Variants in KLRG1 observed in about 807,000 individuals in gnomAD.
KLRG1 encodes the protein killer cell lectin like receptor G1, also known as killer cell lectin-like receptor subfamily G member 1.
A neutral mutation model predicts 21.8 loss-of-function variants in KLRG1; 16 were observed. The ratio of observed to expected loss-of-function variants is 0.73; its 90% CI spans 0.50 to 1.11. The LOEUF (loss-of-function observed/expected upper bound fraction) is 1.11, where lower values mean the gene tolerates loss of function less well. Among genes scored for constraint, KLRG1 ranks in the 50% most tolerant of loss-of-function variants. The pLI, the probability that KLRG1 is intolerant of heterozygous loss-of-function variation, is 0.00. For synonymous variants in KLRG1, 69 were observed against 75.9 expected, an observed-to-expected ratio of 0.91 and a Z score of 0.47; for missense variants, 173 against 218.3, an observed-to-expected ratio of 0.79 and a Z score of 1.31.
the KLRG1 span, chr12:9,167,580 T>C: frequency 6.6e-6 from 1 of 152,224 alleles, no homozygotes; most frequent in Non-Finnish European, 1.5e-5. Context: ...TTGTTCTCTG[T>C]AGTCATGGAA....
chr12:9,110,977 G>A, the KLRG1 span, among the ~76,000 whole-genome samples: 4 of 152,116 alleles, frequency 2.6e-5, no homozygotes, highest in Non-Finnish European at 5.9e-5. Context: ...TTTACAGGTT[G>A]AGAAATAAAC....
At chr12:9,080,482 C>G in the KLRG1 span, 5 of 198,264 alleles carry the variant, frequency 2.5e-5, no homozygotes, top group Non-Finnish European at 5.1e-5. Context: ...ATGGCTGACA[C>G]AAGACGGTTA....
the KLRG1 span, among the ~76,000 whole-genome samples, chr12:9,141,464 C>T: frequency 6.6e-6 from 1 of 152,238 alleles, no homozygotes; most frequent in East Asian, 1.9e-4. Context: ...TGTTAAAGAG[C>T]AGGTTAGTGC....
At chr12:9,044,200 G>A in the KLRG1 span, among the ~76,000 whole-genome samples, 1 of 152,094 alleles carries the variant, frequency 6.6e-6, no homozygotes, top group Non-Finnish European at 1.5e-5. Context: ...TGTAAACAAA[G>A]TACAACTTAG....
the KLRG1 span, chr12:9,203,636 TG>T: frequency 9.3e-7 from 1 of 1,074,442 alleles, no homozygotes; most frequent in Non-Finnish European, 1.3e-6. Context: ...CCACCGCACC[TG>T]GCCCCTGAAG....
the KLRG1 span, chr12:9,070,457 A>T: frequency 6.9e-7 from 1 of 1,451,254 alleles, no homozygotes; most frequent in East Asian, 2.3e-5. Flanking sequence ...ATTAAATAAA[A>T]TAGGGCAGTC....
At chr12:9,166,558 G>A in the KLRG1 span, among the ~76,000 whole-genome samples, 1 of 152,204 alleles carries the variant, frequency 6.6e-6, no homozygotes, top group African/African-American at 2.4e-5. Context: ...ATTGTAAAAT[G>A]CTCTTTAGAC....
the KLRG1 span, among the ~76,000 whole-genome samples, chr12:9,176,053 C>T: frequency 6.6e-6 from 1 of 152,164 alleles, no homozygotes; most frequent in Non-Finnish European, 1.5e-5. Flanking sequence ...GACATGGAAT[C>T]AATCTAAATG....
chr12:8,963,826 G>C (rs1946419892), intron 1 of KLRG1, among the ~76,000 whole-genome samples: 1 of 152,170 alleles, frequency 6.6e-6, no homozygotes, highest in South Asian at 2.1e-4. Context: ...TTTGCATAGA[G>C]GTGTTTATAG....
the KLRG1 span, chr12:9,093,654 CA>C: frequency 0.057 from 28,793 of 501,212 alleles, 1 homozygote; most frequent in South Asian, 0.071. Flanking sequence ...TAGTTGCCAC[CA>C]AAAAAAAAAA....
chr12:9,152,091 C>A, the KLRG1 span: 1 of 734,572 alleles, frequency 1.4e-6, no homozygotes, highest in Non-Finnish European at 2.4e-6. Flanking sequence ...TCATTTACTT[C>A]CTGGGTTTGG....
intron 1 of KLRG1, among the ~76,000 whole-genome samples, chr12:8,969,728 A>C (rs780575190): frequency 6.6e-6 from 1 of 152,332 alleles, no homozygotes; most frequent in African/African-American, 2.4e-5. Context: ...AATAAAATTG[A>C]TAAAATGTTG....
chr12:9,202,291 A>G, the KLRG1 span: 1 of 1,595,754 alleles, frequency 6.3e-7, no homozygotes, highest in Non-Finnish European at 8.6e-7. Flanking sequence ...TCTACCCACA[A>G]CCCAAACCAC....
the KLRG1 span, among the ~76,000 whole-genome samples, chr12:9,044,013 G>C: frequency 0.019 from 2,917 of 152,240 alleles, 100 homozygotes; most frequent in African/African-American, 0.066. Flanking sequence ...AGAGACTCTT[G>C]GCAAGACCAT....
the KLRG1 span, among the ~76,000 whole-genome samples, chr12:9,086,014 T>A: frequency 6.6e-6 from 1 of 152,136 alleles, no homozygotes; most frequent in African/African-American, 2.4e-5. Context: ...AAGTTTTCCA[T>A]TAAAGAAAAG....
chr12:9,197,500 TATA>T, the KLRG1 span, among the ~76,000 whole-genome samples: 3 of 128,522 alleles, frequency 2.3e-5, no homozygotes, highest in East Asian at 6.2e-4. Context: ...TATATATAAA[TATA>T]TTATGTATAA....
the KLRG1 span, among the ~76,000 whole-genome samples, chr12:9,019,693 C>T: frequency 6.6e-6 from 1 of 152,180 alleles, no homozygotes; most frequent in East Asian, 1.9e-4. Context: ...GGAAATGGCT[C>T]TACCATCTAC....
chr12:9,090,146 C>G, the KLRG1 span: 4 of 1,426,244 alleles, frequency 2.8e-6, no homozygotes, highest in Non-Finnish European at 3.8e-6. Flanking sequence ...GAAGCAGGAA[C>G]GGAAACATGC....
the KLRG1 span, among the ~76,000 whole-genome samples, chr12:9,120,675 A>G: frequency 6.6e-6 from 1 of 152,236 alleles, no homozygotes; most frequent in Non-Finnish European, 1.5e-5. Context: ...CATATTAACT[A>G]GTATCAAAAA....
Sources: gnomAD v4.1 joint callset for allele counts (sites outside exome capture counted in the v4.1 genomes callset) on GRCh38, gnomAD v4.1.1 for gene constraint, MANE v1.5 for transcripts, NCBI Gene and HGNC (gene_info 2026-07-23, HGNC 2026-07-21) for gene names.